The following EDEM3 variants were observed in gnomAD, a reference collection of about 807,000 sequenced individuals.
EDEM3 encodes the protein ER degradation-enhancing alpha-mannosidase-like protein 3.
A neutral mutation model predicts 110.2 loss-of-function variants in EDEM3; 60 were observed. The observed-to-expected ratio is 0.54, with a 90% CI of 0.44 to 0.67. The LOEUF is 0.67. EDEM3 is among the 30% of genes least tolerant of loss of function. The probability of loss-of-function intolerance (pLI) is 0.00; values close to 1 mark genes in which losing one functional copy is unlikely to be tolerated. For missense variants in EDEM3, 996 were observed against 1,121.0 expected (o/e 0.89, Z 1.59); for synonymous variants, 352 against 382.9 (o/e 0.92, Z 0.94).
chr1:184,698,002 A>C (rs1282951916), intron 19 of EDEM3, among the ~76,000 whole-genome samples: 6 of 145,172 alleles, frequency 4.1e-5, no homozygotes, highest in Non-Finnish European at 9.1e-5. Context: ...CACACACACA[A>C]ACAGAGAGGT....
chr1:184,740,337 T>C (rs1288096089), intron 2 of EDEM3, among the ~76,000 whole-genome samples: 1 of 152,170 alleles, frequency 6.6e-6, no homozygotes, highest in Non-Finnish European at 1.5e-5. Flanking sequence ...TTGTACGGTC[T>C]CACTATACAC....
intron 4 of EDEM3, among the ~76,000 whole-genome samples, chr1:184,735,248 A>G (rs1651757954): frequency 6.6e-6 from 1 of 152,182 alleles, no homozygotes; most frequent in African/African-American, 2.4e-5. Flanking sequence ...TCATCTATAA[A>G]AAGAGGAAAT....
At chr1:184,694,793 A>C (rs1418403042) in intron 19 of EDEM3, among the ~76,000 whole-genome samples, 1 of 152,082 alleles carries the variant, frequency 6.6e-6, no homozygotes, top group Non-Finnish European at 1.5e-5. Context: ...TAAAATATAT[A>C]GAGATTTGCA....
intron 3 of EDEM3, 61 bp downstream of exon 3, chr1:184,737,550 T>G: frequency 2.7e-6 from 4 of 1,493,944 alleles, no homozygotes; most frequent in Non-Finnish European, 3.7e-6. Context: ...GTAAACTGTC[T>G]GTAAAAGTCT....
At chr1:184,714,638 C>T (rs569765100) in intron 13 of EDEM3, among the ~76,000 whole-genome samples, 24 of 152,190 alleles carry the variant, frequency 1.6e-4, no homozygotes, top group African/African-American at 5.3e-4. Flanking sequence ...AAACTTCTTC[C>T]TAACAGTTTG....
rs116360415 is a variant in EDEM3, at chr1:184,702,455, A to T, written c.2389+356T>A. 2.8e-3 allele frequency among the ~76,000 whole-genome samples: 425 copies of T among 152,314 alleles called. 5 individuals are homozygous for T. The East Asian group carries it at 0.035, about 13-fold the overall frequency. ...ATATATGTCTTCTCATTCCTTATAA[A>T]AGACATGTAAGATGTAGTATCAGTG... On this transcript the variant is annotated intron_variant, in intron 19 of 19. Coordinates refer to ENST00000318130, the MANE Select transcript of EDEM3 (RefSeq NM_025191.4).
rs1194673575 is a variant in EDEM3, at chr1:184,706,629, G to A, written c.2203+14C>T. ...TCCCCTTCAGTCAACACAATGACAT[G>A]GATGATTACTTACCAATAACAATGC... On this transcript the variant is annotated intron_variant, in intron 18 of 19. Coordinates refer to ENST00000318130, the MANE Select transcript of EDEM3 (RefSeq NM_025191.4). 2 of 1,594,806 alleles carry A rather than the reference G, an allele frequency of 1.3e-6. No homozygotes were observed. Among genetic ancestry groups the A allele is most frequent in the East Asian group, 4.5e-5 (2 of 44,482 alleles).
Position 184,719,557 on chromosome 1 carries a change from G to A in EDEM3, c.963C>T (p.Ala321=). ...FLERFNTHYD[A]IMRYISQPPL... is the part of the protein sequence containing the mutation. The stretch of plus-strand genomic sequence containing the variant: ...GTGGCTGGCTAATATACCTCATTAT[G>A]GCATCATAGTGCTAAAAGATCACAA... Residue 321 remains alanine (A), a synonymous_variant, in exon 10 of 20, where the codon GCC becomes GCT. Coordinates refer to ENST00000318130, the MANE Select transcript of EDEM3 (RefSeq NM_025191.4). 1.2e-6 allele frequency: 2 copies of A among 1,613,768 alleles called. No individual in the cohort carries two copies. The highest frequency in any genetic ancestry group is 1.3e-5 in the African/African-American group (1 of 74,980).
At chr1:184,733,613 A>G (rs563471577) in intron 5 of EDEM3, among the ~76,000 whole-genome samples, 1 of 152,192 alleles carries the variant, frequency 6.6e-6, no homozygotes, top group African/African-American at 2.4e-5. Flanking sequence ...GTGGATCACG[A>G]GGTCAGGATA....
intron 7 of EDEM3, among the ~76,000 whole-genome samples, chr1:184,724,367 T>C (rs1651075819): frequency 6.6e-6 from 1 of 152,158 alleles, no homozygotes; most frequent in Non-Finnish European, 1.5e-5. Flanking sequence ...GCAAGTTCAT[T>C]AGTAAAAAGC....
At chr1:184,697,105 A>T (rs1267129609) in intron 19 of EDEM3, among the ~76,000 whole-genome samples, 1 of 151,920 alleles carries the variant, frequency 6.6e-6, no homozygotes, top group East Asian at 1.9e-4. Flanking sequence ...TAGTAACAAT[A>T]AATAGTTAAA....
intron 19 of EDEM3, among the ~76,000 whole-genome samples, chr1:184,696,997 G>A (rs1424974931): frequency 6.6e-6 from 1 of 151,802 alleles, no homozygotes; most frequent in Non-Finnish European, 1.5e-5. Flanking sequence ...TTCAGATTGT[G>A]ATCGTACACT....
intron 1 of EDEM3, among the ~76,000 whole-genome samples, chr1:184,752,031 G>A (rs1290053778): frequency 1.3e-5 from 2 of 152,296 alleles, no homozygotes; most frequent in African/African-American, 4.8e-5. Flanking sequence ...GGGATTACAG[G>A]CATGAGCCAC....
chr1:184,722,909 C>T (rs1650980527), intron 8 of EDEM3, among the ~76,000 whole-genome samples: 1 of 151,770 alleles, frequency 6.6e-6, no homozygotes, highest in Non-Finnish European at 1.5e-5. Flanking sequence ...AATTCAATAT[C>T]CTGTTTGTTC....
At chr1:184,746,579 T>C (rs954122719) in intron 2 of EDEM3, among the ~76,000 whole-genome samples, 2 of 152,300 alleles carry the variant, frequency 1.3e-5, no homozygotes, top group African/African-American at 2.4e-5. Context: ...TGGCAAACCA[T>C]TGTCTTCATT....
At chr1:184,700,627 T>C (rs773659510) in intron 19 of EDEM3, among the ~76,000 whole-genome samples, 19 of 152,096 alleles carry the variant, frequency 1.2e-4, no homozygotes, top group East Asian at 9.7e-4. Context: ...GAAAGTCTGA[T>C]TGAATATTTG....
chr1:184,696,250 T>C (rs541183303), intron 19 of EDEM3, among the ~76,000 whole-genome samples: 7 of 152,036 alleles, frequency 4.6e-5, no homozygotes, highest in African/African-American at 1.4e-4. Context: ...CTAGATACTA[T>C]GCAAAGAGAA....
intron 13 of EDEM3, among the ~76,000 whole-genome samples, chr1:184,715,613 G>A (rs1650503539): frequency 6.6e-6 from 1 of 152,130 alleles, no homozygotes; most frequent in African/African-American, 2.4e-5. Flanking sequence ...CTAACTGTGT[G>A]ACCTTAGGCA....
rs145038187 is a variant in EDEM3, at chr1:184,699,766, T to C, written c.2389+3045A>G. 2.8e-3 allele frequency among the ~76,000 whole-genome samples: 433 copies of C among 152,022 alleles called. 5 individuals carry two copies. In the East Asian group the frequency reaches 0.036, roughly 13 times the overall value. ...TTTACCAGATAGAGACAAATACAGT[T>C]GCTTGAAAGCATTTGTCTAGAGCCC... On this transcript the variant is annotated intron_variant, in intron 19 of 19. Coordinates refer to ENST00000318130, the MANE Select transcript of EDEM3 (RefSeq NM_025191.4).
Sources: gnomAD v4.1 joint callset for allele counts (sites outside exome capture counted in the v4.1 genomes callset) on GRCh38, gnomAD v4.1.1 for gene constraint, MANE v1.5 for transcripts, NCBI Gene and HGNC (gene_info 2026-07-23, HGNC 2026-07-21) for gene names.